GINS1: variants seen among roughly 807,000 people sequenced by gnomAD.
GINS1 encodes the protein GINS complex subunit 1, also known as DNA replication complex GINS protein PSF1.
Under a neutral mutation model 34.9 loss-of-function variants are expected in GINS1, and 26 were observed. That is an observed-to-expected ratio of 0.74 (90% CI 0.55 to 1.03). GINS1 has a LOEUF of 1.03. GINS1 is among the 50% of genes least tolerant of loss of function. GINS1 has a pLI of 0.00. For missense variants in GINS1, 235 were observed against 237.9 expected (o/e 0.99, Z 0.08); for synonymous variants, 97 against 84.4 (o/e 1.15, Z -0.82).
At chr20:25,416,368 T>C (rs1180424623) in intron 2 of GINS1, among the ~76,000 whole-genome samples, 3 of 152,152 alleles carry the variant, frequency 2.0e-5, no homozygotes, top group African/African-American at 4.8e-5. Context: ...GGCAGAAGTA[T>C]ATAGAACAGC....
In GINS1 at chr20:25,420,816, A is replaced by G. The variant is rs539690327; in HGVS notation, c.330+2621A>G. 1.7e-4 allele frequency: 164 copies of G among 947,914 alleles called. No homozygotes were observed. The African/African-American group carries it at 2.7e-3, about 16-fold the overall frequency. The allele number at this position is 947,914 out of a possible 1,614,324, so 58.7% of individuals were successfully genotyped here. On this transcript the variant is annotated intron_variant, in intron 4 of 6. Transcript: ENST00000262460. ...AAAAAAGAAAAAAAGAAAAAGAATA[A>G]AAGGAATATACATGGTCTCGTTCTC...
chr20:25,414,409 TAAAATAA>T (rs1317295161), intron 2 of GINS1, among the ~76,000 whole-genome samples: 2 of 151,972 alleles, frequency 1.3e-5, no homozygotes, highest in African/African-American at 4.8e-5. Flanking sequence ...TGACATACCC[TAAAATAA>T]AAAATAAAAA....
chr20:25,431,309 C>G (rs1308070608), intron 5 of GINS1, among the ~76,000 whole-genome samples: 1 of 152,076 alleles, frequency 6.6e-6, no homozygotes, highest in African/African-American at 2.4e-5. Context: ...CTTAGTCTGT[C>G]TAGCTAAAGG....
intron 5 of GINS1, among the ~76,000 whole-genome samples, chr20:25,432,299 C>A (rs2090431457): frequency 6.6e-6 from 1 of 151,662 alleles, no homozygotes; most frequent in African/African-American, 2.4e-5. Context: ...TAAGTATTTT[C>A]AAAATTTCCT....
rs1317344783 is a variant in GINS1 at position 25,407,850 on chromosome 20, C to G, written c.30C>G (p.Ile10Met). MFCEKAMEL[I>M]RELHRAPEGQ... ...TCTGCGAAAAAGCCATGGAACTGAT[C>G]CGCGAGCTGCATCGCGCGCCCGAAG... Residue 10 changes from isoleucine (I) to methionine (M), a missense_variant, in exon 1 of 7, where the codon ATC becomes ATG. Ile to Met is a conservative substitution (Grantham distance 10, BLOSUM62 1). Coordinates refer to ENST00000262460, the MANE Select transcript of GINS1 (RefSeq NM_021067.5). 4 of 1,614,004 alleles carry G rather than the reference C, an allele frequency of 2.5e-6. No homozygotes were observed. In the African/African-American group the frequency reaches 5.3e-5, roughly 22 times the overall value.
chr20:25,409,288 A>G (rs184068284), intron 1 of GINS1, among the ~76,000 whole-genome samples: 20 of 152,272 alleles, frequency 1.3e-4, no homozygotes, highest in Admixed American at 9.2e-4. Context: ...TGCGGCAGCA[A>G]TATGGGGAAT....
At chr20:25,441,520 CCT>C (rs2090481958) in intron 5 of GINS1, among the ~76,000 whole-genome samples, 180 bp from the exon 6 acceptor site, 1 of 152,154 alleles carries the variant, frequency 6.6e-6, no homozygotes, top group South Asian at 2.1e-4. Flanking sequence ...CTTCTTCCTC[CCT>C]GTCAAAACTG....
intron 6 of GINS1, among the ~76,000 whole-genome samples, chr20:25,443,683 T>C (rs978529882): frequency 6.6e-6 from 1 of 151,650 alleles, no homozygotes; most frequent in African/African-American, 2.4e-5. Context: ...CGTTTCACCA[T>C]GTTGGCCAGG....
chr20:25,445,906 C>T lies in GINS1; in HGVS notation c.523-17C>T, dbSNP rs912913861. 3.3e-6 allele frequency: 5 copies of T among 1,511,072 alleles called. No homozygotes were observed. The African/African-American group carries it at 5.5e-5, about 17-fold the overall frequency. 93.6% of individuals were successfully genotyped at this position (1,511,072 alleles called of 1,614,324 possible). A position where few individuals can be genotyped will look rare whatever the true frequency, so the allele number is the denominator to read the frequency against. ...TCATTTATTTTACTCTTTCTCCATC[C>T]CTTCTTGTCCCCTCAGCACTTTTTA... On this transcript the variant is annotated splice_polypyrimidine_tract_variant and intron_variant, in intron 6 of 6. Coordinates refer to ENST00000262460, the MANE Select transcript of GINS1 (RefSeq NM_021067.5).
chr20:25,418,938 G>C (rs2090337860), intron 4 of GINS1, among the ~76,000 whole-genome samples: 1 of 152,218 alleles, frequency 6.6e-6, no homozygotes, highest in African/African-American at 2.4e-5. Flanking sequence ...TTCTGGGGTA[G>C]CCAGTCCCAA....
Position 25,441,697 on chromosome 20 carries a change from T to G in GINS1, c.448-5T>G. The G allele has an allele frequency of 6.7e-7, 1 of 1,487,584 alleles. No individual in the cohort carries two copies. Among genetic ancestry groups the G allele is most frequent in the Non-Finnish European group, 9.2e-7 (1 of 1,082,458 alleles). The allele number at this position is 1,487,584 out of a possible 1,614,324, so 92.1% of individuals were successfully genotyped here. On this transcript the variant is annotated splice_region_variant and splice_polypyrimidine_tract_variant and intron_variant, in intron 5 of 6. Transcript: ENST00000262460. Reference sequence around the variant, plus strand: ...AGATAAAACATCTCTCATTTTTTCTTTCAGGTCCGGTGTCTAAAAGACTAT... The same window carrying G: ...AGATAAAACATCTCTCATTTTTTCTGTCAGGTCCGGTGTCTAAAAGACTAT...
At chr20:25,415,831 G>A (rs2090317464) in intron 2 of GINS1, among the ~76,000 whole-genome samples, 1 of 152,112 alleles carries the variant, frequency 6.6e-6, no homozygotes, top group Non-Finnish European at 1.5e-5. Flanking sequence ...TGAATAGAAG[G>A]TCTAGCTTAA....
chr20:25,439,441 A>G (rs2424715), intron 5 of GINS1, among the ~76,000 whole-genome samples: 69,853 of 152,026 alleles, frequency 0.46, 16,628 homozygotes, highest in East Asian at 0.92. Context: ...GGGAGGCCAA[A>G]GCAGGAGTAT....
chr20:25,416,518 C>G (rs1384929555), intron 2 of GINS1, among the ~76,000 whole-genome samples: 1 of 152,178 alleles, frequency 6.6e-6, no homozygotes, highest in African/African-American at 2.4e-5. Context: ...AAAGTAGATT[C>G]TTATTCATTC....
chr20:25,440,702 C>T (rs889193080), intron 5 of GINS1, among the ~76,000 whole-genome samples: 1 of 150,578 alleles, frequency 6.6e-6, no homozygotes, highest in Admixed American at 6.6e-5. Flanking sequence ...TCCCAGCTAC[C>T]CAGGAGGCTG....
intron 4 of GINS1, chr20:25,420,790 A>G: frequency 1.2e-6 from 1 of 868,878 alleles, no homozygotes; most frequent in Non-Finnish European, 1.4e-6. Flanking sequence ...TCAAAAAAAA[A>G]AAAAAAGAAA....
At chr20:25,429,879 T>C (rs1288850552) in intron 5 of GINS1, among the ~76,000 whole-genome samples, 1 of 152,242 alleles carries the variant, frequency 6.6e-6, no homozygotes, top group East Asian at 1.9e-4. Flanking sequence ...AGAAATCTTT[T>C]GCCTTCTTAG....
Position 25,434,462 on chromosome 20 carries a change from G to T in GINS1, c.448-7240G>T, listed in dbSNP as rs6107037. Among the ~76,000 whole-genome samples the T allele has an allele frequency of 5.4e-3, 695 of 128,362 alleles. 8 individuals are homozygous for T. Among genetic ancestry groups the T allele is most frequent in the African/African-American group, 0.02 (676 of 33,666 alleles). 84.2% of individuals were successfully genotyped at this position (128,362 alleles called of 152,430 possible). On this transcript the variant is annotated intron_variant, in intron 5 of 6. Coordinates refer to ENST00000262460, the MANE Select transcript of GINS1 (RefSeq NM_021067.5). ...TAATTTTTTTTCTTTTTTTTTTAAA[G>T]AGACAAGGTCTTGCTCTGTTTGTCA...
chr20:25,446,317 G>A lies in GINS1; in HGVS notation c.*326G>A. The A allele has an allele frequency of 4.2e-6, 1 of 237,810 alleles. No individual in the cohort carries two copies. Among genetic ancestry groups the A allele is most frequent in the Admixed American group, 5.5e-5 (1 of 18,324 alleles). The allele number at this position is 237,810 out of a possible 1,614,324, so 14.7% of individuals were successfully genotyped here. On this transcript the variant is annotated 3_prime_UTR_variant, in exon 7 of 7. Transcript: ENST00000262460. ...CTCAAAGTGTTGAGATCACAGGCGT[G>A]AGCCACTGCACCCGGCCCCTACTCC...
Sources: gnomAD v4.1 joint callset for allele counts (sites outside exome capture counted in the v4.1 genomes callset) on GRCh38, gnomAD v4.1.1 for gene constraint, MANE v1.5 for transcripts, NCBI Gene and HGNC (gene_info 2026-07-23, HGNC 2026-07-21) for gene names.